The following SLC13A4 variants were observed in gnomAD, a reference collection of about 807,000 sequenced individuals.
SLC13A4 encodes solute carrier family 13 member 4.
A neutral mutation model predicts 72.7 loss-of-function variants in SLC13A4; 28 were observed. The ratio of observed to expected loss-of-function variants is 0.39; its 90% CI spans 0.29 to 0.53. The LOEUF is 0.53. Among genes scored for constraint, SLC13A4 ranks in the 20% least tolerant of loss-of-function variants. The pLI, the probability that SLC13A4 is intolerant of heterozygous loss-of-function variation, is 0.78. For missense variants in SLC13A4, 653 were observed against 788.0 expected, an observed-to-expected ratio of 0.83 and a Z score of 2.05; for synonymous variants, 312 against 325.5, an observed-to-expected ratio of 0.96 and a Z score of 0.45.
chr7:135,699,016 C>T (rs1397807625), intron 8 of SLC13A4, among the ~76,000 whole-genome samples: 2 of 152,078 alleles, frequency 1.3e-5, no homozygotes, highest in Non-Finnish European at 2.9e-5. Context: ...TCATGGCTCA[C>T]CGTAACCTCA....
intron 2 of SLC13A4, among the ~76,000 whole-genome samples, chr7:135,714,665 A>C (rs867220550): frequency 1.3e-5 from 2 of 152,246 alleles, no homozygotes; most frequent in African/African-American, 4.8e-5. Flanking sequence ...GAGATGGGAA[A>C]GGCAGAGCTG....
At position 135,701,758 on chromosome 7, in the gene SLC13A4, G is replaced by T. The variant is rs992793544; in HGVS notation, c.636C>A (p.Asn212Lys). Residue 212 changes from asparagine (N) to lysine (K), a missense_variant and splice_region_variant, in exon 7 of 16, where the codon AAC (asparagine) becomes AAA (lysine). By Grantham distance (94) the Asn-to-Lys change is moderately conservative. Coordinates refer to ENST00000682651, the MANE Select transcript of SLC13A4 (RefSeq NM_001318192.2). ...TGGTGATCGAGGGCACACCATTCAG[G>T]TTCTGTTGGGACAAAGGCCATCTCA... ...ADLTTLMHNE[N>K]LNGVPSITNP... 5.0e-6 allele frequency: 8 copies of T among 1,613,476 alleles called. No homozygotes were observed. The highest frequency in any genetic ancestry group is 6.8e-6 in the Non-Finnish European group (8 of 1,179,794).
chr7:135,721,625 G>T, intron 1 of SLC13A4, 102 bp from the exon 2 acceptor site: 1 of 1,462,018 alleles, frequency 6.8e-7, no homozygotes, highest in Non-Finnish European at 9.4e-7. Context: ...AGACTGTAAC[G>T]CGGGTACTAG....
intron 13 of SLC13A4, among the ~76,000 whole-genome samples, chr7:135,687,447 A>C (rs978450629): frequency 6.6e-6 from 1 of 152,186 alleles, no homozygotes; most frequent in Non-Finnish European, 1.5e-5. Flanking sequence ...TCAAAAGCTC[A>C]TTTCATCTCT....
At position 135,727,852 on chromosome 7, in the gene SLC13A4, A is replaced by T. The variant is rs1796701540; in HGVS notation, c.-356T>A. 1 of 223,148 alleles carries T rather than the reference A, an allele frequency of 4.5e-6. No individual in the cohort carries two copies. The highest frequency in any genetic ancestry group is 1.7e-4 in the South Asian group (1 of 5,774). 13.8% of individuals were successfully genotyped at this position (223,148 alleles called of 1,614,324 possible). On this transcript the variant is annotated 5_prime_UTR_variant, in exon 1 of 16. Coordinates refer to ENST00000682651, the MANE Select transcript of SLC13A4 (RefSeq NM_001318192.2). ...AAACCCCCTTAATCCTTTAAGCCAC[A>T]CCTTTGCTGCTGCTGCTCGGCCTTG...
chr7:135,717,984 A>G (rs1796464904), intron 2 of SLC13A4, among the ~76,000 whole-genome samples: 1 of 152,044 alleles, frequency 6.6e-6, no homozygotes, highest in Non-Finnish European at 1.5e-5. Flanking sequence ...ACAGAGTGAC[A>G]TCAGCAGCTC....
chr7:135,721,913 G>GAT (rs937618232), intron 1 of SLC13A4, among the ~76,000 whole-genome samples: 1 of 152,194 alleles, frequency 6.6e-6, no homozygotes, highest in African/African-American at 2.4e-5. Context: ...AAGTTGACTG[G>GAT]ATATTAGAAG....
At chr7:135,691,963 C>G in intron 11 of SLC13A4, 1 of 411,372 alleles carries the variant, frequency 2.4e-6, no homozygotes, top group South Asian at 3.2e-5. Context: ...GATGAGACCT[C>G]TTTCCTATGA....
intron 2 of SLC13A4, among the ~76,000 whole-genome samples, chr7:135,719,550 G>T (rs1796497798): frequency 6.6e-6 from 1 of 152,064 alleles, no homozygotes; most frequent in Admixed American, 6.6e-5. Context: ...GTCACATTTA[G>T]GTTGCTTTTT....
chr7:135,719,815 G>GTA (rs1796507308), intron 2 of SLC13A4, among the ~76,000 whole-genome samples: 1 of 139,844 alleles, frequency 7.2e-6, no homozygotes, highest in Non-Finnish European at 1.5e-5. Flanking sequence ...GTGTGTGTGT[G>GTA]TGTGTGTGTG....
At chr7:135,705,515 T>G in intron 5 of SLC13A4, 81 bp downstream of exon 5, 1 of 1,334,912 alleles carries the variant, frequency 7.5e-7, no homozygotes. Flanking sequence ...AAAGAGCTGT[T>G]TATGGGTCTA....
At position 135,694,962 on chromosome 7, in the gene SLC13A4, C is replaced by T. The variant is rs543419758; in HGVS notation, c.1019+406G>A. Among the ~76,000 whole-genome samples the T allele has an allele frequency of 4.6e-5, 7 of 152,278 alleles. No individual in the cohort carries two copies. The South Asian group carries it at 1.0e-3, about 23-fold the overall frequency. ...ATTCAGGCTACTAAGTATAAATCAC[C>T]CATGCCTATAAAGTTAAACCTAATG... On this transcript the variant is annotated intron_variant, in intron 9 of 15. Transcript: ENST00000682651.
intron 1 of SLC13A4, among the ~76,000 whole-genome samples, chr7:135,724,500 G>GAAAAA (rs5887740): frequency 1.4e-4 from 13 of 94,466 alleles, no homozygotes; most frequent in Admixed American, 2.5e-4. Context: ...CTCTGTCTCA[G>GAAAAA]AAAAAAAAAA....
At chr7:135,697,907 G>A (rs1312515597) in intron 8 of SLC13A4, among the ~76,000 whole-genome samples, 2 of 152,132 alleles carry the variant, frequency 1.3e-5, no homozygotes, top group Non-Finnish European at 2.9e-5. Context: ...CTTCAGGGAG[G>A]CATTTCCTCC....
intron 15 of SLC13A4, among the ~76,000 whole-genome samples, chr7:135,682,541 C>G (rs947802392): frequency 6.6e-6 from 1 of 152,244 alleles, no homozygotes; most frequent in Non-Finnish European, 1.5e-5. Flanking sequence ...GACGTGTCCT[C>G]TCTCTCCTGC....
At chr7:135,697,886 C>T (rs1266413000) in intron 8 of SLC13A4, among the ~76,000 whole-genome samples, 2 of 152,334 alleles carry the variant, frequency 1.3e-5, no homozygotes, top group South Asian at 4.1e-4. Flanking sequence ...CAGGTTTCCA[C>T]ATGGTCGCCT....
At chr7:135,700,822 T>C (rs1405447521) in intron 7 of SLC13A4, among the ~76,000 whole-genome samples, 1 of 152,176 alleles carries the variant, frequency 6.6e-6, no homozygotes. Flanking sequence ...GATTTTACTT[T>C]TATTTTTAGT....
chr7:135,721,154 G>A (rs1327493926), intron 2 of SLC13A4, among the ~76,000 whole-genome samples: 1 of 152,236 alleles, frequency 6.6e-6, no homozygotes, highest in Non-Finnish European at 1.5e-5. Flanking sequence ...GTTTAATCAA[G>A]TAAGGCTTCC....
At chr7:135,711,770 T>A (rs576977632) in intron 2 of SLC13A4, among the ~76,000 whole-genome samples, 61 of 152,026 alleles carry the variant, frequency 4.0e-4, no homozygotes, top group Admixed American at 1.2e-3. Flanking sequence ...TTGTTTTTGT[T>A]TTTTTGAGAC....
Sources: allele counts gnomAD v4.1 joint callset (sites outside exome capture counted in the v4.1 genomes callset), GRCh38; gene constraint gnomAD v4.1.1; transcripts MANE v1.5; gene names NCBI Gene and HGNC (gene_info 2026-07-23, HGNC 2026-07-21).